Variants in ATG7 observed in about 807,000 individuals in gnomAD.
The protein encoded by ATG7 is autophagy related 7, also known as ubiquitin-like modifier-activating enzyme ATG7.
In ATG7, 70 loss-of-function variants were observed where a neutral mutation model predicts 82.4. The ratio of observed to expected loss-of-function variants is 0.85; its 90% confidence interval spans 0.70 to 1.04. ATG7 has a LOEUF of 1.04. Ranked by LOEUF, ATG7 falls within the 50% of genes least tolerant of loss-of-function variation. The pLI is 0.00. For synonymous variants in ATG7, 287 were observed against 313.0 expected (o/e 0.92, Z 0.88); for missense variants, 792 against 864.3 (o/e 0.92, Z 1.05).
Position 11,555,060 on chromosome 3 carries a change from C to A in ATG7, c.*217C>A. The stretch of plus-strand genomic sequence containing the variant: ...TTCAGAGCTAAATAATAACCTTGGC[C>A]TTGGCCTTGCTATTGACCTGGGACT... On this transcript the variant is annotated 3_prime_UTR_variant, in exon 21 of 21. Coordinates refer to ENST00000693202, the MANE Select transcript of ATG7 (RefSeq NM_001349232.2). 1.8e-6 allele frequency: 1 copy of A among 570,948 alleles called. No individual in the cohort carries two copies. The allele number at this position is 570,948 out of a possible 1,614,324, so 35.4% of individuals were successfully genotyped here. A position where few individuals can be genotyped will look rare whatever the true frequency, so the allele number is the denominator to read the frequency against.
intron 20 of ATG7, among the ~76,000 whole-genome samples, chr3:11,494,524 G>A (rs1296810343): frequency 6.6e-6 from 1 of 152,206 alleles, no homozygotes; most frequent in Non-Finnish European, 1.5e-5. Flanking sequence ...GTTTCAATGG[G>A]CTGTTCTGTA....
rs188613503 is a variant in ATG7, at chr3:11,358,019, A to G, written c.1285-399A>G. Reference sequence around the variant, plus strand: ...GTAAGACCTTGTCTCAAAAAAAAAAAAAAAGAAAAGAAAAGAAAAAAAAAG... The same window carrying G: ...GTAAGACCTTGTCTCAAAAAAAAAAGAAAAGAAAAGAAAAGAAAAAAAAAG... On this transcript the variant is annotated intron_variant, in intron 14 of 20. Coordinates refer to ENST00000693202, the MANE Select transcript of ATG7 (RefSeq NM_001349232.2). 3.7e-3 allele frequency among the ~76,000 whole-genome samples: 553 copies of G among 151,180 alleles called. 6 individuals are homozygous for G. Among genetic ancestry groups the G allele is most frequent in the Non-Finnish European group, 6.4e-3 (437 of 67,950 alleles).
At chr3:11,346,807 G>T (rs1354513594) in intron 13 of ATG7, among the ~76,000 whole-genome samples, 1 of 152,228 alleles carries the variant, frequency 6.6e-6, no homozygotes, top group African/African-American at 2.4e-5. Context: ...AACTGGGTGG[G>T]TAGACCAAAA....
rs1181843007 is a variant in ATG7 at position 11,347,953 on chromosome 3, A to C, written c.1202A>C (p.Tyr401Ser). The C allele has an allele frequency of 3.1e-6, 5 of 1,614,128 alleles. No homozygotes were observed. The highest frequency in any genetic ancestry group is 4.2e-6 in the Non-Finnish European group (5 of 1,179,998). ...SYSNPVRQPL[Y>S]EFEDCLGGGK... is the part of the protein sequence containing the mutation. The stretch of plus-strand genomic sequence containing the variant: ...TCCAATCCTGTGAGGCAGCCTCTCT[A>C]TGAGTTTGAAGATTGCCTAGGGGGT... Residue 401 changes from tyrosine to serine, a missense_variant, in exon 14 of 21, where the codon TAT (tyrosine) becomes TCT (serine). By Grantham distance (144) the Tyr-to-Ser change is moderately radical. Transcript: ENST00000693202.
At chr3:11,290,458 C>T (rs1944780462) in intron 3 of ATG7, 5 of 271,524 alleles carry the variant, frequency 1.8e-5, no homozygotes, top group South Asian at 1.6e-4. Flanking sequence ...TTCTTCTCCA[C>T]GTTCTCTTCC....
intron 19 of ATG7, among the ~76,000 whole-genome samples, chr3:11,425,538 G>T (rs557476447): frequency 6.6e-6 from 1 of 152,184 alleles, no homozygotes; most frequent in South Asian, 2.1e-4. Flanking sequence ...AGGCATTCTG[G>T]TTCAGCGTTC....
intron 18 of ATG7, among the ~76,000 whole-genome samples, chr3:11,369,994 G>A (rs1170343650): frequency 6.6e-6 from 1 of 150,848 alleles, no homozygotes; most frequent in Non-Finnish European, 1.5e-5. Context: ...TTTGACCTTG[G>A]GCACGTTACG....
intron 20 of ATG7, among the ~76,000 whole-genome samples, chr3:11,501,521 C>T (rs1044524512): frequency 5.1e-5 from 4 of 79,048 alleles, no homozygotes; most frequent in African/African-American, 1.9e-4. Flanking sequence ...GTACGGACTC[C>T]ATATTATTAA....
chr3:11,470,238 G>C (rs2087339642), intron 20 of ATG7, among the ~76,000 whole-genome samples: 1 of 152,174 alleles, frequency 6.6e-6, no homozygotes, highest in Non-Finnish European at 1.5e-5. Context: ...CGATGGGGAT[G>C]CATTGTTAGG....
At chr3:11,274,749 C>T (rs1941335591) in intron 1 of ATG7, among the ~76,000 whole-genome samples, 1 of 152,064 alleles carries the variant, frequency 6.6e-6, no homozygotes, top group Admixed American at 6.6e-5. Flanking sequence ...GTTTCCTCAT[C>T]TCTAAGAAGG....
At chr3:11,399,484 T>C (rs1007910256) in intron 19 of ATG7, among the ~76,000 whole-genome samples, 1 of 152,200 alleles carries the variant, frequency 6.6e-6, no homozygotes, top group Admixed American at 6.5e-5. Context: ...GAAATTATTA[T>C]ATAAGTCGCT....
chr3:11,565,036 G>A, the ATG7 span: 1 of 1,468,272 alleles, frequency 6.8e-7, no homozygotes, highest in Admixed American at 2.6e-5. The surrounding 1 kb of genome is among the most constrained non-coding windows in gnomAD (Gnocchi z 4.1). Context: ...AAGAGGAATG[G>A]GCATTCAGGG....
chr3:11,566,644 C>G, the ATG7 span, among the ~76,000 whole-genome samples: 2 of 152,304 alleles, frequency 1.3e-5, no homozygotes, highest in East Asian at 3.9e-4. Flanking sequence ...CACTCTCTGC[C>G]TCTGTGGCTG....
intron 20 of ATG7, among the ~76,000 whole-genome samples, chr3:11,489,590 T>G (rs986312740): frequency 2.1e-5 from 3 of 145,420 alleles, no homozygotes; most frequent in South Asian, 2.5e-4. Context: ...TTTGGATCTT[T>G]CCTGCTTTCT....
chr3:11,516,831 G>A (rs540506014), intron 20 of ATG7, among the ~76,000 whole-genome samples: 6 of 152,212 alleles, frequency 3.9e-5, no homozygotes, highest in South Asian at 4.1e-4. Flanking sequence ...ACCTGTAATC[G>A]CAACACTTTG....
the ATG7 span, among the ~76,000 whole-genome samples, chr3:11,569,499 G>T: frequency 6.6e-6 from 1 of 152,236 alleles, no homozygotes; most frequent in Non-Finnish European, 1.5e-5. Context: ...TGCCTGGCAG[G>T]AGTAGAATGA....
At chr3:11,394,129 A>G (rs1277427290) in intron 19 of ATG7, among the ~76,000 whole-genome samples, 1 of 152,116 alleles carries the variant, frequency 6.6e-6, no homozygotes, top group Non-Finnish European at 1.5e-5. Context: ...ACTTGAACGA[A>G]CTCTCATCCT....
At chr3:11,526,094 A>G (rs1428458506) in intron 20 of ATG7, among the ~76,000 whole-genome samples, 2 of 152,166 alleles carry the variant, frequency 1.3e-5, no homozygotes, top group South Asian at 2.1e-4. Context: ...ATCTTGAATC[A>G]TAATCTTCAT....
At position 11,389,503 on chromosome 3, in the gene ATG7, C is replaced by T. The variant is rs189975901; in HGVS notation, c.1956+9451C>T. 1.3e-4 allele frequency among the ~76,000 whole-genome samples: 18 copies of T among 140,902 alleles called. 1 individual carries two copies. Among genetic ancestry groups the T allele is most frequent in the South Asian group, 4.8e-4 (2 of 4,204 alleles). 92.4% of individuals were successfully genotyped at this position (140,902 alleles called of 152,430 possible). ...TTCTCTTCTCTAGAATATCTAATGA[C>T]TGGTTAAATCACATAGCAAAGTTAG... On this transcript the variant is annotated intron_variant, in intron 19 of 20. Coordinates refer to ENST00000693202, the MANE Select transcript of ATG7 (RefSeq NM_001349232.2).
Sources: gnomAD v4.1 joint callset for allele counts (sites outside exome capture counted in the v4.1 genomes callset) on GRCh38, gnomAD v4.1.1 for gene constraint, Gnocchi (gnomAD v3.1) non-coding constraint, MANE v1.5 for transcripts, NCBI Gene and HGNC (gene_info 2026-07-23, HGNC 2026-07-21) for gene names.